Variants in PELI2 observed in about 807,000 individuals in gnomAD.
PELI2 encodes E3 ubiquitin-protein ligase pellino homolog 2.
In PELI2, 23 loss-of-function variants were observed where a neutral mutation model predicts 42.3. That is an observed-to-expected ratio of 0.54 (90% confidence interval 0.39 to 0.77). The LOEUF (loss-of-function observed/expected upper bound fraction) is 0.77. Among genes scored for constraint, PELI2 ranks in the 30% least tolerant of loss-of-function variants. The pLI, the probability that PELI2 is intolerant of heterozygous loss-of-function variation, is 0.00. For synonymous variants in PELI2, 245 were observed against 212.2 expected (o/e 1.15, Z -1.34); for missense variants, 463 against 553.2 (o/e 0.84, Z 1.64).
At chr14:56,138,035 G>C (rs188551560) in intron 1 of PELI2, among the ~76,000 whole-genome samples, 1 of 152,272 alleles carries the variant, frequency 6.6e-6, no homozygotes, top group African/African-American at 2.4e-5. Flanking sequence ...GGAGGAGGGT[G>C]CTTTGTGTGC....
At chr14:56,261,725 T>C (rs1888721123) in intron 2 of PELI2, among the ~76,000 whole-genome samples, 1 of 152,046 alleles carries the variant, frequency 6.6e-6, no homozygotes, top group South Asian at 2.1e-4. Flanking sequence ...AGTAAAACAA[T>C]ACATGCAAAA....
At chr14:56,126,919 A>G (rs866865546) in intron 1 of PELI2, among the ~76,000 whole-genome samples, 23 of 152,328 alleles carry the variant, frequency 1.5e-4, no homozygotes, top group African/African-American at 5.1e-4. Flanking sequence ...TTCAAAATGC[A>G]ACCTGACAAG....
rs754102130 is a variant in PELI2, at chr14:56,288,505, G to A, written c.378G>A (p.Thr126=). 1.3e-5 allele frequency: 21 copies of A among 1,614,084 alleles called. No homozygotes were observed. Among genetic ancestry groups the A allele is most frequent in the South Asian group, 1.1e-4 (10 of 91,056 alleles). The change falls in exon 4 of 6, where the codon ACG becomes ACA. Residue 126 remains threonine (T), a synonymous_variant. Transcript: ENST00000267460. The surrounding 1 kb of genome is among the most constrained non-coding windows in gnomAD (Gnocchi z 4.6). ...VTDTISGSQN[T]DEAQITQSTI... ...ACACGATTTCTGGCAGCCAGAACAC[G>A]GACGAAGCCCAGATCACACAGAGCA...
chr14:56,126,624 GC>G (rs768754506), intron 1 of PELI2, among the ~76,000 whole-genome samples: 37 of 152,164 alleles, frequency 2.4e-4, no homozygotes, highest in African/African-American at 3.9e-4. Context: ...GACCTCGGTG[GC>G]CCCCCTCCTT....
At chr14:56,214,356 T>C (rs1042122839) in intron 2 of PELI2, among the ~76,000 whole-genome samples, 2 of 152,224 alleles carry the variant, frequency 1.3e-5, no homozygotes, top group Non-Finnish European at 2.9e-5. Context: ...ACTTTTTTGC[T>C]CTGAATCCAT....
intron 2 of PELI2, among the ~76,000 whole-genome samples, chr14:56,216,458 G>A (rs185863639): frequency 6.6e-6 from 1 of 152,306 alleles, no homozygotes; most frequent in East Asian, 1.9e-4. Flanking sequence ...CTGTTATTTT[G>A]TAAAACACAC....
intron 2 of PELI2, among the ~76,000 whole-genome samples, chr14:56,255,770 A>G (rs1295487986): frequency 6.6e-6 from 1 of 152,144 alleles, no homozygotes; most frequent in African/African-American, 2.4e-5. Flanking sequence ...TGTGTGGGGA[A>G]GGCTGGCTGC....
At chr14:56,218,832 G>T (rs977162819) in intron 2 of PELI2, among the ~76,000 whole-genome samples, 1 of 152,190 alleles carries the variant, frequency 6.6e-6, no homozygotes, top group African/African-American at 2.4e-5. Flanking sequence ...CTGAAACTGT[G>T]TTGTGTCTGT....
intron 2 of PELI2, among the ~76,000 whole-genome samples, chr14:56,279,187 G>A (rs1889395053): frequency 6.6e-6 from 1 of 152,130 alleles, no homozygotes; most frequent in African/African-American, 2.4e-5. Flanking sequence ...GGCTAGGACG[G>A]TGTATTATGA....
At chr14:56,215,164 T>A (rs1163532625) in intron 2 of PELI2, among the ~76,000 whole-genome samples, 2 of 152,242 alleles carry the variant, frequency 1.3e-5, no homozygotes, top group African/African-American at 2.4e-5. Flanking sequence ...AGAATAGATT[T>A]CTATCAGCCT....
At chr14:56,168,270 C>A (rs1047998695) in intron 1 of PELI2, among the ~76,000 whole-genome samples, 3 of 152,288 alleles carry the variant, frequency 2.0e-5, no homozygotes, top group East Asian at 1.9e-4. Context: ...CGTGCCCCCC[C>A]CCAGACCCTG....
rs1239738721 is a variant in PELI2, at chr14:56,129,941, C to T, written c.77+11204C>T. ...GAGGGGCTGCCCTGCTTGGCCTGGT[C>T]GTGTTCCCATCTCAACTTCTGCCAT... On this transcript the variant is annotated intron_variant, in intron 1 of 5. Transcript: ENST00000267460. Among the ~76,000 whole-genome samples the T allele has an allele frequency of 1.3e-5, 2 of 152,182 alleles. 1 individual carries two copies. Among genetic ancestry groups the T allele is most frequent in the East Asian group, 3.8e-4 (2 of 5,200 alleles).
chr14:56,238,210 T>C (rs966591114), intron 2 of PELI2, among the ~76,000 whole-genome samples: 1 of 152,214 alleles, frequency 6.6e-6, no homozygotes, highest in Admixed American at 6.5e-5. Context: ...AATAACCAAC[T>C]CTGCTGAGTT....
intron 2 of PELI2, among the ~76,000 whole-genome samples, chr14:56,237,901 C>G (rs1594671899): frequency 6.6e-6 from 1 of 151,776 alleles, no homozygotes; most frequent in African/African-American, 2.4e-5. Context: ...CCTCCTACCC[C>G]CAACCCTGAG....
chr14:56,226,532 A>C (rs1438744649), intron 2 of PELI2, among the ~76,000 whole-genome samples: 2 of 152,196 alleles, frequency 1.3e-5, no homozygotes, highest in Non-Finnish European at 2.9e-5. Context: ...TTTTTAAATA[A>C]ATGTACAGGT....
intron 1 of PELI2, among the ~76,000 whole-genome samples, chr14:56,144,792 C>T (rs564138198): frequency 6.6e-6 from 1 of 152,128 alleles, no homozygotes; most frequent in Admixed American, 6.5e-5. Context: ...TATTTATGAT[C>T]TTGTTGGGCC....
chr14:56,265,185 G>A (rs1457266353), intron 2 of PELI2, among the ~76,000 whole-genome samples: 1 of 152,048 alleles, frequency 6.6e-6, no homozygotes, highest in Non-Finnish European at 1.5e-5. Context: ...TGCCAAAACT[G>A]CTTTGAAACA....
intron 2 of PELI2, among the ~76,000 whole-genome samples, chr14:56,208,597 A>G (rs1234101316): frequency 6.6e-6 from 1 of 152,214 alleles, no homozygotes; most frequent in Non-Finnish European, 1.5e-5. Flanking sequence ...CATTGCCACA[A>G]AGTATCTGCA....
chr14:56,152,302 G>A (rs1481281674), intron 1 of PELI2, among the ~76,000 whole-genome samples: 2 of 152,144 alleles, frequency 1.3e-5, no homozygotes, highest in African/African-American at 4.8e-5. Context: ...TTCATAAAAT[G>A]GGGGTAATAG....
Sources: allele counts gnomAD v4.1 joint callset (sites outside exome capture counted in the v4.1 genomes callset), GRCh38; gene constraint gnomAD v4.1.1; non-coding constraint Gnocchi (gnomAD v3.1); transcripts MANE v1.5; gene names NCBI Gene and HGNC (gene_info 2026-07-23, HGNC 2026-07-21).